Variants in TECPR1 observed in about 807,000 individuals in gnomAD.
The protein encoded by TECPR1 is tectonin beta-propeller repeat containing 1.
A neutral mutation model predicts 162.4 loss-of-function variants in TECPR1; 122 were observed. The observed-to-expected ratio is 0.75, with a 90% CI of 0.65 to 0.87. TECPR1 has a LOEUF of 0.87. TECPR1 is among the 40% of genes least tolerant of loss of function. TECPR1 has a pLI of 0.00. For missense variants in TECPR1, 1,432 were observed against 1,618.2 expected (o/e 0.88, Z 1.97); for synonymous variants, 642 against 670.6 (o/e 0.96, Z 0.66).
chr7:98,224,856 T>A lies in TECPR1; in HGVS notation c.2635A>T (p.Ser879Cys), dbSNP rs776918290. ...AWVSDWFVDF[S>C]VPGGTDQEGW... is the part of the protein sequence containing the mutation. Reference sequence around the variant, plus strand: ...TCCTGGTCCGTGCCCCCCGGAACGCTGAAATCCACGAACCAGTCGGAAACC... The same window carrying A: ...TCCTGGTCCGTGCCCCCCGGAACGCAGAAATCCACGAACCAGTCGGAAACC... Residue 879 changes from serine to cysteine, a missense_variant, in exon 19 of 26, where the codon AGC becomes TGC. Physicochemically the swap from Ser to Cys is moderately radical, Grantham distance 112 (BLOSUM62 -1). Transcript: ENST00000447648. 19 of 1,571,916 alleles carry A rather than the reference T, an allele frequency of 1.2e-5. No homozygotes were observed. Among genetic ancestry groups the A allele is most frequent in the Non-Finnish European group, 1.6e-5 (18 of 1,159,206 alleles).
At chr7:98,240,709 C>T in intron 8 of TECPR1, 142 bp downstream of exon 8, 1 of 740,188 alleles carries the variant, frequency 1.4e-6, no homozygotes, top group Non-Finnish European at 2.1e-6. Context: ...GCCACTGCAC[C>T]CGGCCTGGGT....
rs556417285 is a variant in TECPR1 at position 98,241,376 on chromosome 7, C to T, written c.658-132G>A. 14 of 1,157,710 alleles carry T rather than the reference C, an allele frequency of 1.2e-5. No individual in the cohort carries two copies. Among genetic ancestry groups the T allele is most frequent in the East Asian group, 2.5e-5 (1 of 40,122 alleles). 71.7% of individuals were successfully genotyped at this position (1,157,710 alleles called of 1,614,324 possible). ...AGATCTCACTCCCTGCCCCCTACCCCGGCCAAAAAACGCAAACCCTGGATT... is the reference window on the plus strand; with the variant it reads ...AGATCTCACTCCCTGCCCCCTACCCTGGCCAAAAAACGCAAACCCTGGATT... On this transcript the variant is annotated intron_variant, in intron 6 of 25. Coordinates refer to ENST00000447648, the MANE Select transcript of TECPR1 (RefSeq NM_015395.3). This position sits in a 1 kb window ranked among gnomAD's most constrained non-coding sequence, Gnocchi z 5.0.
Position 98,241,378 on chromosome 7 carries a change from G to T in TECPR1, c.658-134C>A. 9.7e-7 allele frequency: 1 copy of T among 1,033,910 alleles called. No individual in the cohort carries two copies. 64.0% of individuals were successfully genotyped at this position (1,033,910 alleles called of 1,614,324 possible). A position where few individuals can be genotyped will look rare whatever the true frequency, so the allele number is the denominator to read the frequency against. ...ATCTCACTCCCTGCCCCCTACCCCG[G>T]CCAAAAAACGCAAACCCTGGATTCC... is the stretch of plus-strand genomic sequence containing the variant. On this transcript the variant is annotated intron_variant, in intron 6 of 25. Transcript: ENST00000447648. The surrounding 1 kb of genome is among the most constrained non-coding windows in gnomAD (Gnocchi z 5.0).
chr7:98,251,640 CCT>C (rs906707475), intron 1 of TECPR1, 92 bp from the exon 2 acceptor site: 3 of 152,244 alleles, frequency 2.0e-5, no homozygotes, highest in African/African-American at 7.2e-5. Context: ...CAGGAGGTGT[CCT>C]GAGTCAGCCT....
chr7:98,238,400 A>T lies in TECPR1; in HGVS notation c.1035+109T>A. ...AAGAACTTCTTGCTCAGTACAATGG[A>T]GTGGGGGGCTCTCCTACAGTGGGAA... On this transcript the variant is annotated intron_variant, in intron 9 of 25. Coordinates refer to ENST00000447648, the MANE Select transcript of TECPR1 (RefSeq NM_015395.3). 1.0e-5 allele frequency: 9 copies of T among 873,660 alleles called. No homozygotes were observed. The South Asian group carries it at 1.2e-4, about 11-fold the overall frequency. The allele number at this position is 873,660 out of a possible 1,614,324, so 54.1% of individuals were successfully genotyped here.
chr7:98,231,621 CCCCCTT>C, intron 13 of TECPR1, 177 bp downstream of exon 13: 1 of 667,230 alleles, frequency 1.5e-6, no homozygotes, highest in East Asian at 3.7e-5. Context: ...CATTTCTGTA[CCCCCTT>C]CCCCGGGCAC....
rs1436627440 is a variant in TECPR1, at chr7:98,221,667, C to T, written c.3151G>A (p.Glu1051Lys). 2.5e-6 allele frequency: 4 copies of T among 1,613,122 alleles called. No individual in the cohort carries two copies. In the South Asian group the frequency reaches 3.3e-5, roughly 13 times the overall value. ...AGQTSVYALD[E>K]NGNLWYRQGI... ...TAAAAAAAGAGCAACTTGCCATTCT[C>T]ATCCAGGGCATACACCGACGTCTGC... Residue 1051 changes from glutamate (E) to lysine (K), a missense_variant, in exon 23 of 26, where the codon GAG (glutamate) becomes AAG (lysine). Physicochemically the swap from Glu to Lys is moderately conservative, Grantham distance 56 (BLOSUM62 1). Coordinates refer to ENST00000447648, the MANE Select transcript of TECPR1 (RefSeq NM_015395.3).
intron 6 of TECPR1, among the ~76,000 whole-genome samples, chr7:98,243,032 ATCCTTCTG>A (rs1798807156): frequency 2.4e-5 from 1 of 42,204 alleles, no homozygotes; most frequent in Non-Finnish European, 5.7e-5. Context: ...CCACCTATCC[ATCCTTCTG>A]CCCACACACC....
Position 98,221,665 on chromosome 7 carries a change from C to T in TECPR1, c.3153G>A (p.Glu1051=). The change falls in exon 23 of 26, where the codon GAG becomes GAA. Residue 1051 remains glutamate (E), a synonymous_variant. Transcript: ENST00000447648. ...TTTAAAAAAAGAGCAACTTGCCATT[C>T]TCATCCAGGGCATACACCGACGTCT... is the stretch of plus-strand genomic sequence containing the variant. ...AGQTSVYALD[E]NGNLWYRQGI... is the part of the protein sequence containing the mutation. The T allele has an allele frequency of 6.2e-7, 1 of 1,613,158 alleles. No homozygotes were observed. The highest frequency in any genetic ancestry group is 1.7e-5 in the Admixed American group (1 of 59,978).
Position 98,217,756 on chromosome 7 carries a change from A to G in TECPR1, c.3320T>C (p.Val1107Ala). ...AGGCTGCACGCCGGTGCGATGACACACTGTCCCCCGGCTCAGGCTGTGGCT... is the reference window on the plus strand; with the variant it reads ...AGGCTGCACGCCGGTGCGATGACACGCTGTCCCCCGGCTCAGGCTGTGGCT... ...QGSHSLSRGT[V>A]CHRTGVQPHE... is the part of the protein sequence containing the mutation. Residue 1107 changes from valine (V) to alanine (A), a missense_variant, in exon 25 of 26, where the codon GTG becomes GCG. By Grantham distance (64) the Val-to-Ala change is moderately conservative. Transcript: ENST00000447648. 6.4e-7 allele frequency: 1 copy of G among 1,550,784 alleles called. No homozygotes were observed. Among genetic ancestry groups the G allele is most frequent in the Non-Finnish European group, 8.7e-7 (1 of 1,147,040 alleles).
chr7:98,220,846 G>A (rs966493189), intron 23 of TECPR1, among the ~76,000 whole-genome samples: 5 of 151,602 alleles, frequency 3.3e-5, no homozygotes, highest in East Asian at 2.0e-4. Flanking sequence ...GTGAGCCACC[G>A]CGCTTGGCCT....
At chr7:98,224,915 C>G in intron 18 of TECPR1, 35 bp from the exon 19 acceptor site, 4 of 1,551,328 alleles carry the variant, frequency 2.6e-6, no homozygotes, top group South Asian at 1.2e-5. Flanking sequence ...TGGGACCCCC[C>G]GAATCCAGAA....
intron 23 of TECPR1, among the ~76,000 whole-genome samples, chr7:98,219,339 TCTGA>T (rs1798089466): frequency 6.6e-6 from 1 of 152,180 alleles, no homozygotes; most frequent in South Asian, 2.1e-4. Flanking sequence ...GCAAAGGATT[TCTGA>T]CTAAGATTCC....
rs200666526 is a variant in TECPR1, at chr7:98,231,931, T to C, written c.1847A>G (p.Gln616Arg). 1,298 of 1,607,842 alleles carry C rather than the reference T, an allele frequency of 8.1e-4. 17 individuals carry two copies. In the Middle Eastern group the frequency reaches 0.033, roughly 41 times the overall value. Residue 616 changes from glutamine (Q) to arginine (R), a missense_variant, in exon 13 of 26, where the codon CAG becomes CGG. Transcript: ENST00000447648. ...QSVWVKTGAL[Q>R]WWCDWKPHKW... ...GTGGGGCTTCCAGTCGCACCACCACTGCAGCGCCCCGGTCTTCACCCACAC... is the reference window on the plus strand; with the variant it reads ...GTGGGGCTTCCAGTCGCACCACCACCGCAGCGCCCCGGTCTTCACCCACAC...
intron 3 of TECPR1, 30 bp downstream of exon 3, chr7:98,245,892 C>T (rs762575040): frequency 2.9e-5 from 45 of 1,562,666 alleles, no homozygotes; most frequent in Non-Finnish European, 3.5e-5. Context: ...AACTGACCCG[C>T]TCGGCAACTC....
intron 13 of TECPR1, 80 bp from the exon 14 acceptor site, chr7:98,231,453 C>A (rs1798433516): frequency 1.4e-6 from 2 of 1,449,686 alleles, no homozygotes. Context: ...TGTGCTTCAC[C>A]CTGGGACCCT....
In TECPR1 at chr7:98,224,096, G is replaced by T. The variant is rs538840255; in HGVS notation, c.2691-378C>A. Among the ~76,000 whole-genome samples, 11 of 152,284 alleles carry T rather than the reference G, an allele frequency of 7.2e-5. No individual in the cohort carries two copies. The East Asian group carries it at 1.9e-3, about 27-fold the overall frequency. On this transcript the variant is annotated intron_variant, in intron 19 of 25. Coordinates refer to ENST00000447648, the MANE Select transcript of TECPR1 (RefSeq NM_015395.3). The stretch of plus-strand genomic sequence containing the variant: ...CCCCAGGCCCCATCAGAGCCCTTTT[G>T]GGGAGCAAGAGCCCTCGGTCAGGAT...
intron 15 of TECPR1, 53 bp downstream of exon 15, chr7:98,230,908 G>C: frequency 4.5e-6 from 7 of 1,566,258 alleles, no homozygotes; most frequent in South Asian, 3.5e-5. Context: ...CTGTAACCAC[G>C]AGCTCGGGGT....
At chr7:98,242,803 C>CCATA (rs1192190473) in intron 6 of TECPR1, among the ~76,000 whole-genome samples, 4 of 110,598 alleles carry the variant, frequency 3.6e-5, no homozygotes, top group African/African-American at 6.5e-5. Flanking sequence ...ATCCACCCAT[C>CCATA]CATCCATCCG....
Sources: allele counts gnomAD v4.1 joint callset (sites outside exome capture counted in the v4.1 genomes callset), GRCh38; gene constraint gnomAD v4.1.1; non-coding constraint Gnocchi (gnomAD v3.1); transcripts MANE v1.5; gene names NCBI Gene and HGNC (gene_info 2026-07-23, HGNC 2026-07-21).